DAPK1: variants seen among roughly 807,000 people sequenced by gnomAD.
DAPK1 encodes death-associated protein kinase 1.
A neutral mutation model predicts 144.9 loss-of-function variants in DAPK1; 56 were observed. The ratio of observed to expected loss-of-function variants is 0.39; its 90% CI spans 0.31 to 0.48. The LOEUF (loss-of-function observed/expected upper bound fraction) is 0.48. Among genes scored for constraint, DAPK1 ranks in the 20% least tolerant of loss-of-function variants. The probability of loss-of-function intolerance (pLI) is 0.95; values close to 1 mark genes in which losing one functional copy is unlikely to be tolerated. For synonymous variants in DAPK1, 690 were observed against 749.0 expected (o/e 0.92, Z 1.29); for missense variants, 1,454 against 1,875.4 (o/e 0.78, Z 4.15).
At chr9:87,629,902 C>T (rs532921243) in intron 3 of DAPK1, among the ~76,000 whole-genome samples, 21 of 152,280 alleles carry the variant, frequency 1.4e-4, no homozygotes, top group African/African-American at 4.6e-4. Context: ...CATCCACCTG[C>T]GTGCTGGGAC....
At chr9:87,578,746 G>T (rs1306953891) in intron 2 of DAPK1, among the ~76,000 whole-genome samples, 4 of 152,200 alleles carry the variant, frequency 2.6e-5, no homozygotes, top group African/African-American at 9.6e-5. Flanking sequence ...GCAGCTCTCT[G>T]TGAATGTGGT....
chr9:87,646,677 A>G lies in DAPK1; in HGVS notation c.1230+118A>G. On this transcript the variant is annotated intron_variant, in intron 13 of 25. Coordinates refer to ENST00000408954, the MANE Select transcript of DAPK1 (RefSeq NM_004938.4). ...TAACTTGTTTCTCAGTTTCCTGTAA[A>G]GGAAGATGAGCTGCTTTTAAACAGC... The G allele has an allele frequency of 1.2e-5, 9 of 729,372 alleles. No individual in the cohort carries two copies. In the South Asian group the frequency reaches 1.6e-4, roughly 13 times the overall value. 45.2% of individuals were successfully genotyped at this position (729,372 alleles called of 1,614,324 possible). A position where few individuals can be genotyped will look rare whatever the true frequency, so the allele number is the denominator to read the frequency against.
rs1262759298 is a variant in DAPK1 at position 87,645,748 on chromosome 9, C to T, written c.1012-147C>T. 12 of 1,016,950 alleles carry T rather than the reference C, an allele frequency of 1.2e-5. 1 individual carries two copies. Among genetic ancestry groups the T allele is most frequent in the South Asian group, 1.0e-4 (6 of 59,754 alleles). 63.0% of individuals were successfully genotyped at this position (1,016,950 alleles called of 1,614,324 possible). The stretch of plus-strand genomic sequence containing the variant: ...GGGGCAAAAATTCCTTCCTAGGTCC[C>T]TCCATGACTGTATGGATTTGGGGAG... On this transcript the variant is annotated intron_variant, in intron 11 of 25. Coordinates refer to ENST00000408954, the MANE Select transcript of DAPK1 (RefSeq NM_004938.4).
intron 2 of DAPK1, among the ~76,000 whole-genome samples, chr9:87,533,985 C>T (rs899061235): frequency 2.0e-5 from 3 of 152,178 alleles, no homozygotes; most frequent in African/African-American, 7.2e-5. Context: ...TTTCTAACAG[C>T]AGTTCTCAGG....
chr9:87,678,487 C>T (rs1053653316), intron 19 of DAPK1, among the ~76,000 whole-genome samples: 1 of 152,178 alleles, frequency 6.6e-6, no homozygotes, highest in Non-Finnish European at 1.5e-5. Context: ...ACCACAGCAG[C>T]GTGCTGAGCT....
intron 2 of DAPK1, among the ~76,000 whole-genome samples, chr9:87,521,619 A>G (rs1042298094): frequency 5.9e-5 from 9 of 152,224 alleles, no homozygotes; most frequent in Admixed American, 1.3e-4. Flanking sequence ...CTGTGGTACA[A>G]AGAAGAGGAG....
At chr9:87,632,385 A>G in intron 3 of DAPK1, 1 of 983,658 alleles carries the variant, frequency 1.0e-6, no homozygotes, top group Non-Finnish European at 1.2e-6. Flanking sequence ...CATATGTAGA[A>G]ATGAAGGAAG....
At chr9:87,561,301 C>T (rs907722111) in intron 2 of DAPK1, among the ~76,000 whole-genome samples, 4 of 152,114 alleles carry the variant, frequency 2.6e-5, no homozygotes, top group Non-Finnish European at 5.9e-5. Flanking sequence ...CCAAGGCGGG[C>T]GGATCACGAG....
At position 87,682,469 on chromosome 9, in the gene DAPK1, G is replaced by C. The variant is rs910270171; in HGVS notation, c.2224+843G>C. ...ATTCTCTGTATATGATGTCACAGAA[G>C]AGCCAGGTCTGTTCCCCAGGTTGAT... On this transcript the variant is annotated intron_variant, in intron 20 of 25. Transcript: ENST00000408954. 2.0e-5 allele frequency among the ~76,000 whole-genome samples: 3 copies of C among 152,202 alleles called. No homozygotes were observed. The East Asian group carries it at 5.8e-4, about 29-fold the overall frequency.
chr9:87,625,287 C>T (rs1022152182), intron 3 of DAPK1, among the ~76,000 whole-genome samples: 2 of 152,196 alleles, frequency 1.3e-5, no homozygotes, highest in Non-Finnish European at 2.9e-5. Context: ...AGCTGAAGGC[C>T]ATACAGGCAG....
intron 2 of DAPK1, among the ~76,000 whole-genome samples, chr9:87,550,119 G>C (rs567774560): frequency 6.6e-6 from 1 of 152,266 alleles, no homozygotes; most frequent in African/African-American, 2.4e-5. Context: ...ATGAACCCCT[G>C]TCAGGATAAT....
At chr9:87,673,353 A>G (rs1177864941) in intron 19 of DAPK1, among the ~76,000 whole-genome samples, 1 of 152,238 alleles carries the variant, frequency 6.6e-6, no homozygotes, top group Non-Finnish European at 1.5e-5. Flanking sequence ...ATTGAGCAAA[A>G]GAAATACTTT....
At chr9:87,657,186 C>T (rs1054123959) in intron 17 of DAPK1, among the ~76,000 whole-genome samples, 3 of 152,178 alleles carry the variant, frequency 2.0e-5, no homozygotes, top group African/African-American at 7.2e-5. Flanking sequence ...AACTTAGTAA[C>T]CGCTTATGTC....
intron 21 of DAPK1, among the ~76,000 whole-genome samples, chr9:87,691,082 G>A (rs923790072): frequency 2.6e-5 from 4 of 151,634 alleles, no homozygotes; most frequent in Non-Finnish European, 5.9e-5. Flanking sequence ...AGTTTTTTTT[G>A]GAATAGATTG....
chr9:87,604,447 G>A (rs896604913), intron 2 of DAPK1, among the ~76,000 whole-genome samples: 1 of 152,144 alleles, frequency 6.6e-6, no homozygotes, highest in Non-Finnish European at 1.5e-5. Context: ...CTTATCAGTC[G>A]CTTAATTATA....
intron 20 of DAPK1, among the ~76,000 whole-genome samples, chr9:87,682,557 C>T (rs1824675836): frequency 6.6e-6 from 1 of 152,178 alleles, no homozygotes; most frequent in Admixed American, 6.5e-5. Context: ...GCATGGGTAG[C>T]TGCGGAGAGT....
At chr9:87,505,967 C>T (rs887984421) in intron 2 of DAPK1, among the ~76,000 whole-genome samples, 2 of 152,196 alleles carry the variant, frequency 1.3e-5, no homozygotes, top group East Asian at 1.9e-4. Flanking sequence ...GGATTATAAG[C>T]GTCAGCCTCT....
chr9:87,557,337 T>G (rs1223611616), intron 2 of DAPK1, among the ~76,000 whole-genome samples: 1 of 152,210 alleles, frequency 6.6e-6, no homozygotes, highest in African/African-American at 2.4e-5. Flanking sequence ...GTCCTGTACC[T>G]TCCTGTCGTG....
At chr9:87,685,955 C>T (rs550325517) in intron 20 of DAPK1, among the ~76,000 whole-genome samples, 2 of 152,274 alleles carry the variant, frequency 1.3e-5, no homozygotes, top group African/African-American at 4.8e-5. Context: ...ATGCTAAAAT[C>T]GGAAGGCCTC....
Sources: allele counts gnomAD v4.1 joint callset (sites outside exome capture counted in the v4.1 genomes callset), GRCh38; gene constraint gnomAD v4.1.1; transcripts MANE v1.5; gene names NCBI Gene and HGNC (gene_info 2026-07-23, HGNC 2026-07-21).